Variants in CFAP299 observed in about 807,000 individuals in gnomAD.
CFAP299 encodes cilia and flagella associated protein 299.
A neutral mutation model predicts 27.0 loss-of-function variants in CFAP299; 21 were observed. The observed-to-expected ratio is 0.78, with a 90% CI of 0.55 to 1.12. CFAP299 has a LOEUF of 1.12. CFAP299 is among the 50% of genes most tolerant of loss of function. The pLI is 0.00. For missense variants in CFAP299, 310 were observed against 276.6 expected (o/e 1.12, Z -0.86); for synonymous variants, 104 against 98.1 (o/e 1.06, Z -0.36).
chr4:80,711,463 G>T (rs1466962970), intron 3 of CFAP299, among the ~76,000 whole-genome samples: 1 of 152,144 alleles, frequency 6.6e-6, no homozygotes, highest in South Asian at 2.1e-4. Flanking sequence ...TCAGCTATCT[G>T]CTTATCCACC....
At chr4:80,536,593 G>A (rs975637416) in intron 2 of CFAP299, among the ~76,000 whole-genome samples, 2 of 152,052 alleles carry the variant, frequency 1.3e-5, no homozygotes, top group Non-Finnish European at 2.9e-5. Context: ...TTCAACAAAG[G>A]TGCCAAGAAC....
intron 3 of CFAP299, among the ~76,000 whole-genome samples, chr4:80,598,994 A>G (rs1013183893): frequency 2.0e-5 from 3 of 152,204 alleles, no homozygotes; most frequent in Non-Finnish European, 4.4e-5. Context: ...GGTATGCGGC[A>G]TGCCTAAATG....
upstream of CFAP299, among the ~76,000 whole-genome samples, chr4:80,332,166 A>T (rs1721965483): frequency 6.6e-6 from 1 of 152,266 alleles, no homozygotes; most frequent in South Asian, 2.1e-4. Context: ...CAAAGATGTC[A>T]TAATTGACTT....
chr4:80,764,934 G>A (rs752600432), intron 3 of CFAP299, among the ~76,000 whole-genome samples: 3 of 152,100 alleles, frequency 2.0e-5, no homozygotes, highest in Admixed American at 6.5e-5. Flanking sequence ...ACTAGGGCCT[G>A]TGGAGGGGTT....
intron 3 of CFAP299, among the ~76,000 whole-genome samples, chr4:80,764,218 A>G (rs1384222404): frequency 6.6e-6 from 1 of 152,186 alleles, no homozygotes; most frequent in Non-Finnish European, 1.5e-5. Flanking sequence ...CAAAGGGCTA[A>G]TATCCAGAGT....
intron 3 of CFAP299, among the ~76,000 whole-genome samples, chr4:80,722,573 G>C (rs1383198999): frequency 6.6e-6 from 1 of 151,962 alleles, no homozygotes; most frequent in Non-Finnish European, 1.5e-5. Flanking sequence ...TCTTTTAAAA[G>C]ACTTTTAAAA....
chr4:80,450,552 A>G (rs1370839579), intron 2 of CFAP299, among the ~76,000 whole-genome samples: 2 of 152,166 alleles, frequency 1.3e-5, no homozygotes, highest in African/African-American at 4.8e-5. Flanking sequence ...GGGAAATATT[A>G]AAAATACTAA....
intron 2 of CFAP299, among the ~76,000 whole-genome samples, chr4:80,407,207 G>A (rs1201536672): frequency 3.3e-5 from 5 of 152,070 alleles, no homozygotes; most frequent in Non-Finnish European, 5.9e-5. Flanking sequence ...AGCCAACAGA[G>A]TATAGCCCTG....
At chr4:80,635,373 A>G (rs1033717296) in intron 3 of CFAP299, among the ~76,000 whole-genome samples, 1 of 152,148 alleles carries the variant, frequency 6.6e-6, no homozygotes, top group Non-Finnish European at 1.5e-5. Context: ...ATCACAAATT[A>G]GATTTAAAAT....
intron 3 of CFAP299, among the ~76,000 whole-genome samples, chr4:80,799,083 T>C (rs1198883166): frequency 3.5e-5 from 5 of 143,292 alleles, no homozygotes; most frequent in Non-Finnish European, 7.5e-5. Flanking sequence ...ACAGAACTAA[T>C]AGTGTGTGTG....
intron 2 of CFAP299, among the ~76,000 whole-genome samples, chr4:80,574,712 A>G (rs1444378526): frequency 2.0e-5 from 3 of 152,186 alleles, no homozygotes; most frequent in Admixed American, 6.6e-5. Flanking sequence ...ATCAATTGCA[A>G]TGATGATATA....
intron 3 of CFAP299, among the ~76,000 whole-genome samples, chr4:80,785,491 C>A (rs1277869861): frequency 6.6e-6 from 1 of 152,064 alleles, no homozygotes; most frequent in African/African-American, 2.4e-5. Flanking sequence ...CTCTAGTAAC[C>A]TTTGGCAATT....
At chr4:80,888,608 T>TA (rs950876843) in intron 4 of CFAP299, among the ~76,000 whole-genome samples, 15 of 152,172 alleles carry the variant, frequency 9.9e-5, no homozygotes, top group African/African-American at 3.6e-4. Flanking sequence ...ACCTCTACTA[T>TA]AAAACAAATG....
At chr4:80,512,689 T>C (rs568993113) in intron 2 of CFAP299, among the ~76,000 whole-genome samples, 107 of 152,210 alleles carry the variant, frequency 7.0e-4, no homozygotes, top group Non-Finnish European at 1.3e-3. Context: ...AGAGAAATTA[T>C]GTTAGAGCTG....
At chr4:80,400,115 G>C (rs980488849) in intron 2 of CFAP299, among the ~76,000 whole-genome samples, 1 of 152,082 alleles carries the variant, frequency 6.6e-6, no homozygotes, top group Non-Finnish European at 1.5e-5. Context: ...CTTTATGTCT[G>C]TATGTTGATA....
chr4:80,629,512 C>T (rs1173199017), intron 3 of CFAP299, among the ~76,000 whole-genome samples: 15 of 152,060 alleles, frequency 9.9e-5, no homozygotes, highest in Admixed American at 9.8e-4. Context: ...AATACATATG[C>T]TAGTCAGTCT....
intron 2 of CFAP299, among the ~76,000 whole-genome samples, chr4:80,564,658 G>A (rs1735195581): frequency 6.6e-6 from 1 of 151,910 alleles, no homozygotes; most frequent in Admixed American, 6.6e-5. Flanking sequence ...CGTAGTACTG[G>A]AAGTCCTAGC....
chr4:80,796,817 A>G (rs569681398), intron 3 of CFAP299, among the ~76,000 whole-genome samples: 2 of 152,228 alleles, frequency 1.3e-5, no homozygotes, highest in East Asian at 3.9e-4. Flanking sequence ...CTATTTTTCT[A>G]GCTAAAATTA....
intron 3 of CFAP299, among the ~76,000 whole-genome samples, chr4:80,844,402 C>T (rs1289776251): frequency 6.6e-6 from 1 of 152,164 alleles, no homozygotes; most frequent in Non-Finnish European, 1.5e-5. Flanking sequence ...TTTCCACATC[C>T]TCTCCAGCAC....
Sources: allele counts gnomAD v4.1 joint callset (sites outside exome capture counted in the v4.1 genomes callset), GRCh38; gene constraint gnomAD v4.1.1; transcripts MANE v1.5; gene names NCBI Gene and HGNC (gene_info 2026-07-23, HGNC 2026-07-21).